GCC2: variants seen among roughly 807,000 people sequenced by gnomAD.
GCC2 encodes GRIP and coiled-coil domain containing 2, also known as GRIP and coiled-coil domain-containing protein 2.
A neutral mutation model predicts 210.6 loss-of-function variants in GCC2; 120 were observed. The observed-to-expected ratio is 0.57, with a 90% CI of 0.49 to 0.66. The LOEUF is 0.66. GCC2 is among the 30% of genes least tolerant of loss of function. The pLI, the probability that GCC2 is intolerant of heterozygous loss-of-function variation, is 0.00. For synonymous variants in GCC2, 703 were observed against 652.7 expected (o/e 1.08, Z -1.17); for missense variants, 1,868 against 1,871.9 (o/e 1.00, Z 0.04).
rs979143330 is a variant in GCC2, at chr2:108,449,764, A to C, written c.63+75A>C. ...GAATTGGAAAACTTTGGCATGGGGA[A>C]GGGGGGGGCGCTGATTTTTTTTTTT... is the stretch of plus-strand genomic sequence containing the variant. On this transcript the variant is annotated intron_variant, in intron 2 of 22. Transcript: ENST00000309863. 35 of 1,088,178 alleles carry C rather than the reference A, an allele frequency of 3.2e-5. No individual in the cohort carries two copies. In the African/African-American group the frequency reaches 3.5e-4, roughly 11 times the overall value. The allele number at this position is 1,088,178 out of a possible 1,614,324, so 67.4% of individuals were successfully genotyped here.
In GCC2 at chr2:108,471,682, G is replaced by A; in HGVS notation, c.2353G>A (p.Ala785Thr). 6.2e-7 allele frequency: 1 copy of A among 1,613,622 alleles called. No individual in the cohort carries two copies. The highest frequency in any genetic ancestry group is 1.3e-5 in the African/African-American group (1 of 75,014). The change falls in exon 6 of 23, where the codon GCA (alanine) becomes ACA (threonine). Residue 785 changes from alanine (A) to threonine (T), a missense_variant. Ala to Thr is a moderately conservative substitution (Grantham distance 58). Transcript: ENST00000309863. ...GAAAGATGTTGTTAATGTCCTACAG[G>A]CAGTCGGTGAATCCTTGGCAAAAAT... ...EEKDVVNVLQ[A>T]VGESLAKINE...
intron 2 of GCC2, 89 bp downstream of exon 2, chr2:108,449,778 A>T (rs917477019): frequency 5.4e-6 from 4 of 743,468 alleles, no homozygotes; most frequent in Admixed American, 5.1e-5. Flanking sequence ...GGGGGCGCTG[A>T]TTTTTTTTTT....
intron 4 of GCC2, among the ~76,000 whole-genome samples, chr2:108,468,370 TAG>T (rs1291595212): frequency 6.6e-6 from 1 of 152,202 alleles, no homozygotes; most frequent in African/African-American, 2.4e-5. Flanking sequence ...CCGACTTACA[TAG>T]ATATGCTTCC....
chr2:108,452,447 G>A lies in GCC2; in HGVS notation c.197G>A (p.Gly66Glu). The stretch of plus-strand genomic sequence containing the variant: ...CTCAGATCAAAACCTGTTACTGAAG[G>A]AACTGGTGATATTATTAAGGTAATT... ...EELRSKPVTE[G>E]TGDIIKALTE... The change falls in exon 4 of 23, where the codon GGA (glycine) becomes GAA (glutamate). Residue 66 changes from glycine (G) to glutamate (E), a missense_variant. Coordinates refer to ENST00000309863, the MANE Select transcript of GCC2 (RefSeq NM_181453.4). The A allele has an allele frequency of 6.5e-7, 1 of 1,548,896 alleles. No individual in the cohort carries two copies. Among genetic ancestry groups the A allele is most frequent in the Non-Finnish European group, 8.9e-7 (1 of 1,121,388 alleles).
At chr2:108,480,160 C>T (rs914909786) in intron 9 of GCC2, among the ~76,000 whole-genome samples, 20 of 152,120 alleles carry the variant, frequency 1.3e-4, no homozygotes, top group Admixed American at 1.3e-3. Context: ...CAAATATAAA[C>T]TTTGCAAGAA....
chr2:108,468,604 G>A (rs1308531092), intron 4 of GCC2, among the ~76,000 whole-genome samples: 1 of 152,068 alleles, frequency 6.6e-6, no homozygotes, highest in African/African-American at 2.4e-5. Flanking sequence ...TATTCAGATT[G>A]TTGACCAATC....
intron 22 of GCC2, among the ~76,000 whole-genome samples, chr2:108,501,095 A>G (rs1378948563): frequency 6.6e-6 from 1 of 151,854 alleles, no homozygotes; most frequent in African/African-American, 2.4e-5. Flanking sequence ...TCCCAGATTC[A>G]AGCGATTCTC....
chr2:108,469,821 A>C lies in GCC2; in HGVS notation c.492A>C (p.Leu164Phe). The change falls in exon 6 of 23, where the codon TTA becomes TTC. Residue 164 changes from leucine (L) to phenylalanine (F), a missense_variant. Physicochemically the swap from Leu to Phe is conservative, Grantham distance 22. Around this residue, in one of 3 missense-constraint regions of GCC2, gnomAD observed 1,847 missense variants for 1,765.2 expected, o/e 1.05. Transcript: ENST00000309863. The part of the protein sequence containing the change: ...KQLEEAMNTQ[L>F]ELSEQLKFQN... ...TGGAAGAAGCAATGAATACGCAATTAGAACTTTCAGAACAACTTAAATTTC... is the reference window on the plus strand; with the variant it reads ...TGGAAGAAGCAATGAATACGCAATTCGAACTTTCAGAACAACTTAAATTTC... 3 of 1,613,410 alleles carry C rather than the reference A, an allele frequency of 1.9e-6. No homozygotes were observed. The highest frequency in any genetic ancestry group is 2.5e-6 in the Non-Finnish European group (3 of 1,179,648).
chr2:108,458,680 A>G (rs987963272), intron 4 of GCC2, among the ~76,000 whole-genome samples: 11 of 151,926 alleles, frequency 7.2e-5, no homozygotes, highest in Middle Eastern at 3.4e-3. Flanking sequence ...AAATTTATCC[A>G]TTTCCTCTAG....
At chr2:108,457,740 T>C (rs1209212243) in intron 4 of GCC2, among the ~76,000 whole-genome samples, 1 of 152,218 alleles carries the variant, frequency 6.6e-6, no homozygotes, top group Non-Finnish European at 1.5e-5. Context: ...CTTCTTGATT[T>C]CCTTTTTTAG....
chr2:108,470,840 A>G lies in GCC2; in HGVS notation c.1511A>G (p.Glu504Gly). ...LGESAGKISQEFESMKQQQAS... is the reference protein window; with the variant it reads ...LGESAGKISQGFESMKQQQAS... ...GAATCTGCTGGAAAAATAAGTCAAG[A>G]GTTCGAATCAATGAAGCAACAGCAA... The change falls in exon 6 of 23, where the codon GAG becomes GGG. Residue 504 changes from glutamate (E) to glycine (G), a missense_variant. This residue lies in a region of GCC2 where 1,847 missense variants were observed against 1,765.2 expected (regional missense o/e 1.05). Coordinates refer to ENST00000309863, the MANE Select transcript of GCC2 (RefSeq NM_181453.4). 6.2e-7 allele frequency: 1 copy of G among 1,613,886 alleles called. No individual in the cohort carries two copies. The highest frequency in any genetic ancestry group is 8.5e-7 in the Non-Finnish European group (1 of 1,179,832).
At chr2:108,459,392 G>A (rs1680435514) in intron 4 of GCC2, among the ~76,000 whole-genome samples, 2 of 152,070 alleles carry the variant, frequency 1.3e-5, no homozygotes, top group South Asian at 4.1e-4. Flanking sequence ...TGATTTTGTG[G>A]CCTAACATAT....
rs767705277 is a variant in GCC2 at position 108,449,289 on chromosome 2, G to A, written c.6+9G>A. ...GGCTGGCGGAGATGGAGGTAACTCA[G>A]GTCGGGCCCACTGCCTCCCATCAAG... On this transcript the variant is annotated intron_variant, in intron 1 of 22. Coordinates refer to ENST00000309863, the MANE Select transcript of GCC2 (RefSeq NM_181453.4). 5.2e-6 allele frequency: 8 copies of A among 1,549,448 alleles called. No homozygotes were observed. The South Asian group carries it at 9.5e-5, about 18-fold the overall frequency.
intron 17 of GCC2, among the ~76,000 whole-genome samples, chr2:108,488,024 A>G (rs939608211): frequency 6.7e-6 from 1 of 150,186 alleles, no homozygotes; most frequent in South Asian, 2.1e-4. Context: ...TCCTGCTTCA[A>G]CCTCCTGAGT....
Position 108,484,126 on chromosome 2 carries a change from TCTTTTA to T in GCC2, c.3451-19_3451-14del, listed in dbSNP as rs773888002. The T allele has an allele frequency of 1.3e-6, 2 of 1,527,326 alleles. No homozygotes were observed. The highest frequency in any genetic ancestry group is 2.8e-5 in the African/African-American group (2 of 71,172). 94.6% of individuals were successfully genotyped at this position (1,527,326 alleles called of 1,614,324 possible). A position where few individuals can be genotyped will look rare whatever the true frequency, so the allele number is the denominator to read the frequency against. On this transcript the variant is annotated splice_polypyrimidine_tract_variant and intron_variant, in intron 12 of 22. Transcript: ENST00000309863. Reference sequence around the variant, plus strand: ...ATGAACTGATCTACTATTGTGTAAATCTTTTACTTATAAAATGTGCAGGATGCCCAA... The same window carrying T: ...ATGAACTGATCTACTATTGTGTAAATCTTATAAAATGTGCAGGATGCCCAA...
At chr2:108,449,602 T>A (rs905950178) in intron 1 of GCC2, 31 bp from the exon 2 acceptor site, 1 of 1,605,426 alleles carries the variant, frequency 6.2e-7, no homozygotes, top group South Asian at 1.1e-5. Flanking sequence ...AAAGAGTTCT[T>A]CTGACACCTG....
intron 22 of GCC2, among the ~76,000 whole-genome samples, chr2:108,506,705 C>T: frequency 6.6e-6 from 1 of 152,084 alleles, no homozygotes; most frequent in African/African-American, 2.4e-5. Context: ...TGTATATAAG[C>T]TTCTGTTTTA....
chr2:108,485,227 C>T (rs941020595), intron 13 of GCC2, among the ~76,000 whole-genome samples: 1 of 149,942 alleles, frequency 6.7e-6, no homozygotes, highest in African/African-American at 2.5e-5. Flanking sequence ...TGCTAGATGA[C>T]GAGTTAGTGG....
intron 3 of GCC2, among the ~76,000 whole-genome samples, chr2:108,451,681 C>G (rs1226593880): frequency 6.6e-6 from 1 of 151,892 alleles, no homozygotes; most frequent in African/African-American, 2.4e-5. Context: ...AGCCTAAAAG[C>G]TAAGACTTAT....
Sources: allele counts gnomAD v4.1 joint callset (sites outside exome capture counted in the v4.1 genomes callset), GRCh38; gene constraint gnomAD v4.1.1; regional missense constraint gnomAD v4.1.1; transcripts MANE v1.5; gene names NCBI Gene and HGNC (gene_info 2026-07-23, HGNC 2026-07-21).